Variants in SEMA6D observed in about 807,000 individuals in gnomAD.
SEMA6D encodes semaphorin-6D.
In SEMA6D, 35 loss-of-function variants were observed where a neutral mutation model predicts 106.6. That is an observed-to-expected ratio of 0.33 (90% CI 0.25 to 0.44). SEMA6D has a LOEUF of 0.44. Among genes scored for constraint, SEMA6D ranks in the 20% least tolerant of loss-of-function variants. The pLI, the probability that SEMA6D is intolerant of heterozygous loss-of-function variation, is 1.00. For synonymous variants in SEMA6D, 499 were observed against 487.7 expected, an observed-to-expected ratio of 1.02 and a Z score of -0.31; for missense variants, 1,185 against 1,345.9, an observed-to-expected ratio of 0.88 and a Z score of 1.87.
chr15:47,229,400 G>C (rs2032030868), intron 1 of SEMA6D, among the ~76,000 whole-genome samples: 1 of 151,908 alleles, frequency 6.6e-6, no homozygotes, highest in African/African-American at 2.4e-5. Context: ...TAAAAAAATG[G>C]GGGATGCAGT....
rs1022321185 is a variant in SEMA6D, at chr15:47,266,170, A to G, written c.-239+81752A>G. On this transcript the variant is annotated intron_variant, in intron 1 of 19. Coordinates refer to the SEMA6D transcript ENST00000558014. ...GACAATCTGCTCCACAGTTTTGCCT[A>G]TCTCTCCAATGAATCTCCTAATTTA... Among the ~76,000 whole-genome samples the G allele has an allele frequency of 7.2e-5, 11 of 152,170 alleles. 1 individual carries two copies. Among genetic ancestry groups the G allele is most frequent in the South Asian group, 4.1e-4 (2 of 4,822 alleles).
At chr15:47,443,192 C>G (rs1263856590) in intron 2 of SEMA6D, among the ~76,000 whole-genome samples, 1 of 152,112 alleles carries the variant, frequency 6.6e-6, no homozygotes, top group Non-Finnish European at 1.5e-5. Flanking sequence ...ACAACAATAT[C>G]TCCTTATCCC....
At chr15:47,301,026 C>A (rs942732328) in intron 1 of SEMA6D, among the ~76,000 whole-genome samples, 1 of 152,190 alleles carries the variant, frequency 6.6e-6, no homozygotes, top group Non-Finnish European at 1.5e-5. Flanking sequence ...TCTTGAGATA[C>A]AAGGACAGGC....
At chr15:47,207,993 G>GCGCGCACA (rs1424944556) in intron 1 of SEMA6D, among the ~76,000 whole-genome samples, 49 of 89,456 alleles carry the variant, frequency 5.5e-4, no homozygotes, top group East Asian at 1.1e-3. Context: ...TGGCGCGCGC[G>GCGCGCACA]CACACACACA....
chr15:47,638,831 G>T (rs2077437911), intron 4 of SEMA6D, among the ~76,000 whole-genome samples: 1 of 152,182 alleles, frequency 6.6e-6, no homozygotes, highest in South Asian at 2.1e-4. Flanking sequence ...CAAATGTTCT[G>T]CCAGCAGATG....
intron 1 of SEMA6D, among the ~76,000 whole-genome samples, chr15:47,210,688 C>G (rs1353040614): frequency 6.9e-6 from 1 of 144,314 alleles, no homozygotes; most frequent in Admixed American, 7.5e-5. Context: ...TCTCTTGAAC[C>G]TGGGAGGTGG....
At chr15:47,702,405 A>G (rs2078830121) in intron 4 of SEMA6D, among the ~76,000 whole-genome samples, 1 of 152,256 alleles carries the variant, frequency 6.6e-6, no homozygotes, top group Admixed American at 6.5e-5. Flanking sequence ...AGGAACTTTC[A>G]TGCATTGCTG....
chr15:47,373,706 A>G (rs1210977795), intron 1 of SEMA6D, among the ~76,000 whole-genome samples: 2 of 152,230 alleles, frequency 1.3e-5, no homozygotes, highest in Non-Finnish European at 2.9e-5. Context: ...AATTTATCAC[A>G]TAGCTACTGA....
intron 4 of SEMA6D, among the ~76,000 whole-genome samples, chr15:47,698,952 G>T (rs1485257300): frequency 6.6e-6 from 1 of 152,112 alleles, no homozygotes; most frequent in East Asian, 1.9e-4. Context: ...ATTCTCCATT[G>T]TATGATTCAA....
At chr15:47,629,911 T>C (rs1441101375) in intron 4 of SEMA6D, among the ~76,000 whole-genome samples, 1 of 152,002 alleles carries the variant, frequency 6.6e-6, no homozygotes, top group Non-Finnish European at 1.5e-5. Flanking sequence ...TAGTATTCCT[T>C]TGTGTATGTA....
At chr15:47,711,226 C>T (rs572386485) in intron 4 of SEMA6D, among the ~76,000 whole-genome samples, 1 of 140,024 alleles carries the variant, frequency 7.1e-6, no homozygotes, top group East Asian at 2.3e-4. Context: ...AGGAGAATGG[C>T]GTGAACCCGG....
chr15:47,681,401 C>T lies in SEMA6D; in HGVS notation c.-54-78344C>T, dbSNP rs149972013. ...ATCTGAGGTATCTAAAGTAGCCAAA[C>T]GCATAGAAGCAGAAAGTAGAATGGT... On this transcript the variant is annotated intron_variant, in intron 4 of 19. Coordinates refer to the SEMA6D transcript ENST00000558014. 1.9e-3 allele frequency among the ~76,000 whole-genome samples: 285 copies of T among 152,184 alleles called. 1 individual carries two copies. Among genetic ancestry groups the T allele is most frequent in the African/African-American group, 6.1e-3 (252 of 41,514 alleles).
intron 3 of SEMA6D, among the ~76,000 whole-genome samples, chr15:47,558,863 G>T (rs1387019585): frequency 1.3e-5 from 2 of 151,984 alleles, no homozygotes; most frequent in Non-Finnish European, 2.9e-5. Flanking sequence ...AAAAATTAAA[G>T]CCAAAATGTC....
intron 1 of SEMA6D, among the ~76,000 whole-genome samples, chr15:47,326,204 A>G (rs557654949): frequency 2.0e-5 from 3 of 152,332 alleles, no homozygotes; most frequent in Admixed American, 6.5e-5. Flanking sequence ...CTGGAACTCA[A>G]TTCTTTCACA....
chr15:47,659,706 A>G (rs748412105), intron 4 of SEMA6D, among the ~76,000 whole-genome samples: 74 of 152,234 alleles, frequency 4.9e-4, no homozygotes, highest in Middle Eastern at 6.8e-3. Context: ...TTACATATAC[A>G]AAGTTCTTAA....
In SEMA6D at chr15:47,628,780, G is replaced by C. The variant is rs575232984; in HGVS notation, c.-55+27884G>C. Among the ~76,000 whole-genome samples, 4 of 152,124 alleles carry C rather than the reference G, an allele frequency of 2.6e-5. No individual in the cohort carries two copies. In the South Asian group the frequency reaches 8.3e-4, roughly 32 times the overall value. ...GAGGTCTTTTCTTCTTTCATGGCTT[G>C]AACATTTAGTGTCAAGGCCATGAAT... On this transcript the variant is annotated intron_variant, in intron 4 of 19. Coordinates refer to the SEMA6D transcript ENST00000558014.
chr15:47,470,458 TTTCTATTTAC>T (rs1218836208), intron 2 of SEMA6D: 1 of 151,464 alleles, frequency 6.6e-6, no homozygotes, highest in South Asian at 2.2e-4. Context: ...GTTCTTTTTT[TTTCTATTTAC>T]TGTAGAATGC....
intron 1 of SEMA6D, among the ~76,000 whole-genome samples, chr15:47,331,669 G>A (rs982940911): frequency 3.9e-5 from 6 of 152,084 alleles, no homozygotes; most frequent in African/African-American, 1.2e-4. Flanking sequence ...GTAATTACAA[G>A]TGGTTTTTAT....
chr15:47,510,198 A>C (rs59647141), intron 3 of SEMA6D, among the ~76,000 whole-genome samples: 1 of 152,032 alleles, frequency 6.6e-6, no homozygotes, highest in Non-Finnish European at 1.5e-5. Context: ...GCTTCTGTCA[A>C]TCAGCTGTGT....
Sources: allele counts gnomAD v4.1 joint callset (sites outside exome capture counted in the v4.1 genomes callset), GRCh38; gene constraint gnomAD v4.1.1; transcripts MANE v1.5; gene names NCBI Gene and HGNC (gene_info 2026-07-23, HGNC 2026-07-21).